TAFA5: variants seen among roughly 807,000 people sequenced by gnomAD.
TAFA5 encodes the protein chemokine-like protein TAFA-5.
A neutral mutation model predicts 15.3 loss-of-function variants in TAFA5; 6 were observed. The observed-to-expected ratio is 0.39, with a 90% CI of 0.21 to 0.77. TAFA5 has a LOEUF of 0.77. TAFA5 is among the 30% of genes least tolerant of loss of function. TAFA5 has a pLI of 0.41. For missense variants in TAFA5, 161 were observed against 193.1 expected, an observed-to-expected ratio of 0.83 and a Z score of 0.98; for synonymous variants, 103 against 80.7, an observed-to-expected ratio of 1.28 and a Z score of -1.48.
At chr22:48,595,454 T>C (rs1924731713) in intron 1 of TAFA5, among the ~76,000 whole-genome samples, 1 of 152,104 alleles carries the variant, frequency 6.6e-6, no homozygotes, top group Non-Finnish European at 1.5e-5. Flanking sequence ...GAAGTGGCCA[T>C]GTGTGTTAGA....
chr22:48,620,450 G>A (rs956578813), intron 1 of TAFA5, among the ~76,000 whole-genome samples: 4 of 151,992 alleles, frequency 2.6e-5, no homozygotes, highest in African/African-American at 9.7e-5. Context: ...TTCAGGAGGC[G>A]GTTTTTAATC....
At chr22:48,639,576 C>G (rs1926599263) in intron 1 of TAFA5, among the ~76,000 whole-genome samples, 1 of 152,200 alleles carries the variant, frequency 6.6e-6, no homozygotes, top group Middle Eastern at 3.2e-3. Flanking sequence ...AGCCCTGGCC[C>G]CTGAGTGGCT....
chr22:48,503,179 G>A (rs117822596), intron 1 of TAFA5, among the ~76,000 whole-genome samples: 1 of 152,216 alleles, frequency 6.6e-6, no homozygotes, highest in Non-Finnish European at 1.5e-5. Flanking sequence ...GCTCTGCCAT[G>A]TCTGTGAGCT....
chr22:48,717,860 C>T (rs1301747765), intron 3 of TAFA5, among the ~76,000 whole-genome samples: 1 of 152,228 alleles, frequency 6.6e-6, no homozygotes, highest in Non-Finnish European at 1.5e-5. Flanking sequence ...GGCCAGCACC[C>T]TGGAGAGCCA....
chr22:48,687,775 G>C (rs1323528015), intron 2 of TAFA5, among the ~76,000 whole-genome samples: 1 of 152,110 alleles, frequency 6.6e-6, no homozygotes, highest in African/African-American at 2.4e-5. Context: ...CACCTCTGAG[G>C]GGGGAACATG....
chr22:48,525,738 C>T (rs748622252), intron 1 of TAFA5, among the ~76,000 whole-genome samples: 3 of 152,206 alleles, frequency 2.0e-5, no homozygotes, highest in Non-Finnish European at 4.4e-5. Flanking sequence ...CCTGCCTACC[C>T]GAGCCCTCCT....
chr22:48,578,708 G>A (rs572062646), intron 1 of TAFA5, among the ~76,000 whole-genome samples: 7 of 152,310 alleles, frequency 4.6e-5, no homozygotes, highest in Admixed American at 1.3e-4. Context: ...CGGAAGCGGT[G>A]GCCTTCACCA....
At chr22:48,665,310 C>G (rs572719864) in intron 2 of TAFA5, among the ~76,000 whole-genome samples, 19 of 152,290 alleles carry the variant, frequency 1.2e-4, no homozygotes, top group African/African-American at 4.6e-4. Context: ...ATGCTCCATT[C>G]AAGCCTGTGT....
At chr22:48,546,448 G>A (rs1043509030) in intron 1 of TAFA5, 1 of 470,330 alleles carries the variant, frequency 2.1e-6, no homozygotes, top group Non-Finnish European at 4.4e-6. Context: ...CTATCCTCTT[G>A]GAGCTTGTGG....
At chr22:48,714,718 C>G (rs1234980219) in intron 3 of TAFA5, among the ~76,000 whole-genome samples, 1 of 152,220 alleles carries the variant, frequency 6.6e-6, no homozygotes, top group Non-Finnish European at 1.5e-5. Context: ...CACTTCCTGC[C>G]TGTGTGTCCT....
intron 1 of TAFA5, among the ~76,000 whole-genome samples, chr22:48,640,856 C>A (rs1926647851): frequency 6.6e-6 from 1 of 150,984 alleles, no homozygotes; most frequent in African/African-American, 2.4e-5. Context: ...GAAGCTGAGA[C>A]CGTGGGGGCA....
intron 1 of TAFA5, among the ~76,000 whole-genome samples, chr22:48,502,475 G>A (rs1327910236): frequency 1.3e-5 from 2 of 151,296 alleles, no homozygotes; most frequent in Non-Finnish European, 2.9e-5. Flanking sequence ...GACTTCTAAT[G>A]TTTTGGACTC....
intron 3 of TAFA5, among the ~76,000 whole-genome samples, chr22:48,738,570 G>A (rs956294632): frequency 2.6e-5 from 4 of 151,650 alleles, no homozygotes; most frequent in African/African-American, 9.8e-5. Flanking sequence ...TCACCCCAGT[G>A]AGGAGTGATT....
At chr22:48,610,421 C>A (rs1231728581) in intron 1 of TAFA5, among the ~76,000 whole-genome samples, 1 of 152,254 alleles carries the variant, frequency 6.6e-6, no homozygotes, top group Non-Finnish European at 1.5e-5. Flanking sequence ...ATAAATAAAT[C>A]ACGACGAAAG....
chr22:48,543,177 G>A (rs1922524363), intron 1 of TAFA5: 1 of 151,984 alleles, frequency 6.6e-6, no homozygotes, highest in Non-Finnish European at 1.5e-5. Flanking sequence ...GGGGTCGTTT[G>A]TCTCCTCCAG....
At chr22:48,696,357 C>T (rs915235801) in intron 2 of TAFA5, among the ~76,000 whole-genome samples, 3 of 152,204 alleles carry the variant, frequency 2.0e-5, no homozygotes, top group African/African-American at 4.8e-5. Context: ...TTTCTCACTC[C>T]TTCCTTCCAT....
chr22:48,650,125 G>A lies in TAFA5; in HGVS notation c.262+3379G>A, dbSNP rs375006042. Among the ~76,000 whole-genome samples the A allele has an allele frequency of 5.3e-5, 8 of 152,200 alleles. No homozygotes were observed. The East Asian group carries it at 7.7e-4, about 15-fold the overall frequency. On this transcript the variant is annotated intron_variant, in intron 2 of 3. Coordinates refer to ENST00000402357, the MANE Select transcript of TAFA5 (RefSeq NM_001082967.3). ...CTCTGCGTGCATAATAAGTTTCCTC[G>A]CATGTGAATTGCATTTGCTGAAGAG...
rs200406270 is a variant in TAFA5, at chr22:48,560,591, A to T, written c.112+70887A>T. Among the ~76,000 whole-genome samples, 3,531 of 21,236 alleles carry T rather than the reference A, an allele frequency of 0.17. 140 individuals carry two copies. The highest frequency in any genetic ancestry group is 0.47 in the East Asian group (837 of 1,800). The allele number at this position is 21,236 out of a possible 152,430, so 13.9% of individuals were successfully genotyped here. ...TTTTATTATTATTATTATTATTATT[A>T]TATTATTATTATTAATTATTTATTT... On this transcript the variant is annotated intron_variant, in intron 1 of 3. Coordinates refer to ENST00000402357, the MANE Select transcript of TAFA5 (RefSeq NM_001082967.3). The surrounding 1 kb of genome is among the most constrained non-coding windows in gnomAD (Gnocchi z 4.2).
At chr22:48,702,503 G>A (rs1195776531) in intron 2 of TAFA5, among the ~76,000 whole-genome samples, 6 of 152,148 alleles carry the variant, frequency 3.9e-5, no homozygotes, top group Non-Finnish European at 7.4e-5. Flanking sequence ...CTACCGGCCC[G>A]GGGACAGGCA....
Sources: gnomAD v4.1 joint callset for allele counts (sites outside exome capture counted in the v4.1 genomes callset) on GRCh38, gnomAD v4.1.1 for gene constraint, Gnocchi (gnomAD v3.1) non-coding constraint, MANE v1.5 for transcripts, NCBI Gene and HGNC (gene_info 2026-07-23, HGNC 2026-07-21) for gene names.